The following FRMPD4 variants were observed in gnomAD, a reference collection of about 807,000 sequenced individuals.
The protein encoded by FRMPD4 is FERM and PDZ domain-containing protein 4.
A neutral mutation model predicts 94.1 loss-of-function variants in FRMPD4; 22 were observed. The ratio of observed to expected loss-of-function variants is 0.23; its 90% confidence interval spans 0.17 to 0.33. FRMPD4 has a LOEUF of 0.33. Ranked by LOEUF, FRMPD4 falls within the 10% of genes least tolerant of loss-of-function variation. FRMPD4 has a pLI of 1.00. For missense variants in FRMPD4, 1,111 were observed against 1,339.9 expected (o/e 0.83, Z 2.67); for synonymous variants, 631 against 548.6 (o/e 1.15, Z -2.10).
Position 12,022,020 on chromosome X carries a change from T to A in FRMPD4, c.95+144002T>A, listed in dbSNP as rs139189181. On this transcript the variant is annotated intron_variant, in intron 3 of 18. Transcript: ENST00000640291. ...GTAAGACTTTCTCTGGGCCTCAGTT[T>A]CTTCCTCCTTGCATATCAAAAGGTT... Among the ~76,000 whole-genome samples, 279 of 112,203 alleles carry A rather than the reference T, an allele frequency of 2.5e-3. 1 individual carries two copies. The highest frequency in any genetic ancestry group is 7.8e-3 in the African/African-American group (242 of 30,901).
intron 2 of FRMPD4, among the ~76,000 whole-genome samples, chrX:12,602,705 G>GGGGCT (rs1407981630): frequency 9.0e-6 from 1 of 111,678 alleles, no homozygotes; most frequent in Non-Finnish European, 1.9e-5. Flanking sequence ...TCTAGGCTTG[G>GGGGCT]GGGCTGGGCA....
intron 1 of FRMPD4, among the ~76,000 whole-genome samples, chrX:12,183,306 C>T (rs1441791364): frequency 9.0e-6 from 1 of 111,317 alleles, no homozygotes; most frequent in Admixed American, 9.5e-5. Context: ...GCATAATATG[C>T]TTGGCTAAGC....
chrX:11,987,164 G>A (rs986703031), intron 3 of FRMPD4, among the ~76,000 whole-genome samples: 7 of 75,788 alleles, frequency 9.2e-5, no homozygotes, highest in African/African-American at 3.3e-4. Flanking sequence ...GAATATTGAT[G>A]CAAAAACCTC....
intron 1 of FRMPD4, among the ~76,000 whole-genome samples, chrX:12,412,539 C>G (rs1038748680): frequency 1.2e-4 from 13 of 112,586 alleles, no homozygotes; most frequent in Non-Finnish European, 2.1e-4. Flanking sequence ...ATGTCTAGTA[C>G]TTCTTAACTG....
intron 1 of FRMPD4, among the ~76,000 whole-genome samples, chrX:12,169,812 G>A (rs997024603): frequency 8.9e-5 from 10 of 112,562 alleles, no homozygotes; most frequent in Non-Finnish European, 1.9e-4. Context: ...TAAGCTGTTT[G>A]TAAGATTTTA....
intron 1 of FRMPD4, among the ~76,000 whole-genome samples, chrX:12,472,276 T>A (rs941758713): frequency 8.9e-6 from 1 of 112,180 alleles, no homozygotes; most frequent in African/African-American, 3.2e-5. Context: ...ACAAGTCCAG[T>A]TTCAGCTGCA....
At chrX:12,179,380 C>T (rs775152839) in intron 1 of FRMPD4, among the ~76,000 whole-genome samples, 24 of 111,316 alleles carry the variant, frequency 2.2e-4, no homozygotes, top group Non-Finnish European at 3.8e-4. Flanking sequence ...TGCAAAGGGT[C>T]TTCATACACA....
chrX:12,467,205 T>C (rs1453157354), intron 1 of FRMPD4, among the ~76,000 whole-genome samples: 1 of 106,368 alleles, frequency 9.4e-6, no homozygotes, highest in Non-Finnish European at 1.9e-5. Context: ...AAAAAGGCAG[T>C]TTATGATCAT....
intron 3 of FRMPD4, among the ~76,000 whole-genome samples, chrX:12,088,836 A>G (rs912906777): frequency 4.4e-5 from 5 of 112,578 alleles, no homozygotes; most frequent in Non-Finnish European, 9.4e-5. Context: ...AATAGTCTAC[A>G]TATAGAAAAG....
rs35571726 is a variant in FRMPD4, at chrX:12,141,582, TA to T, written c.41+2579del. Among the ~76,000 whole-genome samples the T allele has an allele frequency of 3.1e-4, 34 of 109,437 alleles. 1 individual carries two copies. The highest frequency in any genetic ancestry group is 1.2e-3 in the East Asian group (4 of 3,462). On this transcript the variant is annotated intron_variant, in intron 1 of 16. Coordinates refer to ENST00000675598, the MANE Select transcript of FRMPD4 (RefSeq NM_001368397.1). Reference sequence around the variant, plus strand: ...GTGCCCCTCAATAACCCAGTACCATTAAAAAAAAATTGCTGCCAAGTGTTGG... The same window carrying T: ...GTGCCCCTCAATAACCCAGTACCATTAAAAAAAATTGCTGCCAAGTGTTGG...
intron 1 of FRMPD4, among the ~76,000 whole-genome samples, chrX:12,280,247 A>AAATAATAATAATAATAATAATAAT (rs374670611): frequency 2.9e-5 from 3 of 102,224 alleles, no homozygotes; most frequent in Non-Finnish European, 3.9e-5. Context: ...GGCTGCTTTA[A>AAATAATAATAATAATAATAATAAT]AATAATAATA....
At chrX:12,131,171 G>A (rs1194749738) in intron 3 of FRMPD4, among the ~76,000 whole-genome samples, 1 of 112,047 alleles carries the variant, frequency 8.9e-6, no homozygotes, top group Non-Finnish European at 1.9e-5. Flanking sequence ...AGGCCCAGGG[G>A]AAGGCCCATA....
intron 1 of FRMPD4, among the ~76,000 whole-genome samples, chrX:12,479,780 A>G (rs1217418097): frequency 9.1e-6 from 1 of 110,486 alleles, no homozygotes; most frequent in African/African-American, 3.3e-5. Flanking sequence ...GATTATAGGC[A>G]TGAGCCACTA....
At position 11,826,437 on chromosome X, in the gene FRMPD4, A is replaced by AG. The variant is rs756962995; in HGVS notation, c.-161+3727dup. Among the ~76,000 whole-genome samples the AG allele has an allele frequency of 2.7e-5, 3 of 111,631 alleles. No homozygotes were observed. In the South Asian group the frequency reaches 1.1e-3, roughly 43 times the overall value. ...CTCTGCCCTAAAGGAGGAGGATAGGAGGGGGCGAAAAGACATTAGGGACCT... is the reference window on the plus strand; with the variant it reads ...CTCTGCCCTAAAGGAGGAGGATAGGAGGGGGGCGAAAAGACATTAGGGACCT... On this transcript the variant is annotated intron_variant, in intron 1 of 18. Transcript: ENST00000640291.
upstream of FRMPD4, among the ~76,000 whole-genome samples, chrX:12,135,670 C>G (rs1023065776): frequency 7.3e-5 from 8 of 109,979 alleles, no homozygotes; most frequent in African/African-American, 2.7e-4. Flanking sequence ...GCAAGCTGTT[C>G]CAGGTAGACC....
intron 2 of FRMPD4, among the ~76,000 whole-genome samples, chrX:12,510,089 C>T (rs1226670883): frequency 8.9e-6 from 1 of 111,742 alleles, no homozygotes; most frequent in Non-Finnish European, 1.9e-5. Context: ...ATCTGGGAAT[C>T]CTGTGAGGTA....
chrX:11,827,408 C>G (rs2147270503), intron 1 of FRMPD4, among the ~76,000 whole-genome samples: 1 of 109,660 alleles, frequency 9.1e-6, no homozygotes, highest in African/African-American at 3.3e-5. Context: ...GATAAGAAAA[C>G]CGAGTCATTT....
intron 1 of FRMPD4, among the ~76,000 whole-genome samples, chrX:12,176,683 G>A (rs1176130395): frequency 1.8e-5 from 2 of 112,296 alleles, no homozygotes; most frequent in Non-Finnish European, 3.8e-5. Flanking sequence ...CAATTAATGT[G>A]TTATCTAAAC....
intron 1 of FRMPD4, among the ~76,000 whole-genome samples, chrX:11,840,021 C>A (rs1270701711): frequency 9.0e-6 from 1 of 111,656 alleles, no homozygotes; most frequent in Non-Finnish European, 1.9e-5. Context: ...TGTAAGTCCT[C>A]TAACTTTGTT....
Sources: allele counts gnomAD v4.1 joint callset (sites outside exome capture counted in the v4.1 genomes callset), GRCh38; gene constraint gnomAD v4.1.1; transcripts MANE v1.5; gene names NCBI Gene and HGNC (gene_info 2026-07-23, HGNC 2026-07-21).